Variants in KSR2 observed in about 807,000 individuals in gnomAD.
KSR2 encodes kinase suppressor of ras 2.
In KSR2, 25 loss-of-function variants were observed where a neutral mutation model predicts 107.8. That is an observed-to-expected ratio of 0.23 (90% CI 0.17 to 0.32). The LOEUF (loss-of-function observed/expected upper bound fraction) is 0.32. Ranked by LOEUF, KSR2 falls within the 10% of genes least tolerant of loss-of-function variation. The pLI, the probability that KSR2 is intolerant of heterozygous loss-of-function variation, is 1.00. For missense variants in KSR2, 887 were observed against 1,268.9 expected (o/e 0.70, Z 4.57); for synonymous variants, 480 against 507.0 (o/e 0.95, Z 0.71).
chr12:117,646,734 T>C (rs1568162), intron 5 of KSR2, among the ~76,000 whole-genome samples: 83,562 of 151,944 alleles, frequency 0.55, 25,455 homozygotes, highest in Non-Finnish European at 0.68. Context: ...GCCCCCTCCT[T>C]CTCACTCCTC....
At chr12:117,786,885 C>T (rs1890096259) in intron 3 of KSR2, among the ~76,000 whole-genome samples, 1 of 151,612 alleles carries the variant, frequency 6.6e-6, no homozygotes. Flanking sequence ...CAAAATTGGC[C>T]AGGCGTGGTG....
chr12:117,508,086 T>C (rs919651181), intron 14 of KSR2, among the ~76,000 whole-genome samples: 1 of 152,196 alleles, frequency 6.6e-6, no homozygotes, highest in African/African-American at 2.4e-5. Flanking sequence ...AAAAGACAAT[T>C]CTGATTATTT....
At chr12:117,739,272 G>A (rs1024977870) in intron 4 of KSR2, among the ~76,000 whole-genome samples, 6 of 151,456 alleles carry the variant, frequency 4.0e-5, no homozygotes, top group Non-Finnish European at 5.9e-5. Context: ...GGAGAATGGC[G>A]TGAACCTGGG....
At chr12:117,906,353 CAAAAAAAA>C (rs57733205) in intron 1 of KSR2, among the ~76,000 whole-genome samples, 1 of 58,242 alleles carries the variant, frequency 1.7e-5, no homozygotes, top group Non-Finnish European at 3.3e-5. Context: ...AACTCTGTCT[CAAAAAAAA>C]AAAAAAAAAA....
chr12:117,682,530 GC>G (rs751654171), intron 4 of KSR2, among the ~76,000 whole-genome samples: 44 of 151,852 alleles, frequency 2.9e-4, no homozygotes, highest in Non-Finnish European at 4.0e-4. Context: ...CTATTCTCCT[GC>G]CTCAGCCTCC....
intron 4 of KSR2, among the ~76,000 whole-genome samples, chr12:117,739,331 G>A (rs1470067630): frequency 6.6e-6 from 1 of 152,154 alleles, no homozygotes; most frequent in Admixed American, 6.5e-5. Flanking sequence ...CTCCAGCCTG[G>A]GCGACAGAGC....
At chr12:117,639,624 C>A (rs1883265182) in intron 5 of KSR2, among the ~76,000 whole-genome samples, 1 of 79,086 alleles carries the variant, frequency 1.3e-5, no homozygotes, top group African/African-American at 4.6e-5. Flanking sequence ...GCCACCGCAC[C>A]CAGCGTATTA....
chr12:117,848,065 C>T (rs1314274783), intron 3 of KSR2, among the ~76,000 whole-genome samples: 1 of 152,196 alleles, frequency 6.6e-6, no homozygotes, highest in East Asian at 1.9e-4. Flanking sequence ...AAAAGGAAAA[C>T]AATATCCACA....
At chr12:117,881,538 G>A (rs570089320) in intron 1 of KSR2, among the ~76,000 whole-genome samples, 1 of 152,344 alleles carries the variant, frequency 6.6e-6, no homozygotes, top group South Asian at 2.1e-4. Context: ...AATCTCAACA[G>A]CTAGAAAGTG....
chr12:117,499,741 G>A (rs1453504056), intron 14 of KSR2, among the ~76,000 whole-genome samples: 2 of 152,230 alleles, frequency 1.3e-5, no homozygotes, highest in Non-Finnish European at 2.9e-5. Flanking sequence ...GGTCCCTAAT[G>A]AGGAAGACAG....
intron 14 of KSR2, among the ~76,000 whole-genome samples, chr12:117,511,754 C>T (rs1168340184): frequency 3.3e-5 from 5 of 152,152 alleles, no homozygotes; most frequent in African/African-American, 9.7e-5. Context: ...AAGTGACCAA[C>T]TTCCCTTCCG....
In KSR2 at chr12:117,947,795, C is replaced by T. The variant is rs114657509; in HGVS notation, c.180+20281G>A. On this transcript the variant is annotated intron_variant, in intron 1 of 19. Coordinates refer to ENST00000339824, the MANE Select transcript of KSR2 (RefSeq NM_173598.6). ...ACATAGATCCAAAAAATATCAAATACTTGAGCGTAAGTCTAACAAAACATA... is the reference window on the plus strand; with the variant it reads ...ACATAGATCCAAAAAATATCAAATATTTGAGCGTAAGTCTAACAAAACATA... Among the ~76,000 whole-genome samples the T allele has an allele frequency of 7.5e-3, 1,136 of 152,084 alleles. 18 individuals are homozygous for T. Among genetic ancestry groups the T allele is most frequent in the African/African-American group, 0.025 (1,036 of 41,498 alleles).
At chr12:117,874,905 G>C (rs1281010477) in intron 1 of KSR2, among the ~76,000 whole-genome samples, 3 of 152,140 alleles carry the variant, frequency 2.0e-5, no homozygotes, top group African/African-American at 7.2e-5. Context: ...CCCACCGTCT[G>C]ACTCTGCACT....
At chr12:117,936,524 TTATTATTATTAG>T (rs1303400058) in intron 1 of KSR2, among the ~76,000 whole-genome samples, 11,091 of 93,194 alleles carry the variant, frequency 0.12, 479 homozygotes, top group South Asian at 0.18. Flanking sequence ...ATTATTATTA[TTATTATTATTAG>T]TAGTAGTAGT....
At chr12:117,886,087 C>T (rs1242788410) in intron 1 of KSR2, among the ~76,000 whole-genome samples, 2 of 148,068 alleles carry the variant, frequency 1.4e-5, no homozygotes, top group Non-Finnish European at 3.0e-5. Flanking sequence ...CAGACTGAGA[C>T]TCCGTCTCAA....
chr12:117,947,699 A>C (rs1349295158), intron 1 of KSR2, among the ~76,000 whole-genome samples: 1 of 152,202 alleles, frequency 6.6e-6, no homozygotes, highest in Non-Finnish European at 1.5e-5. Flanking sequence ...ATACAAGGTC[A>C]ACACAAAAAT....
At chr12:117,823,056 T>C (rs1451113444) in intron 3 of KSR2, among the ~76,000 whole-genome samples, 1 of 152,046 alleles carries the variant, frequency 6.6e-6, no homozygotes, top group African/African-American at 2.4e-5. Context: ...GAAAAGAATG[T>C]TCCAGACAGA....
At chr12:117,596,691 G>A (rs1880665045) in intron 5 of KSR2, among the ~76,000 whole-genome samples, 2 of 152,092 alleles carry the variant, frequency 1.3e-5, no homozygotes, top group Non-Finnish European at 2.9e-5. Context: ...TTCTAATGTG[G>A]CAATTTAAAA....
intron 1 of KSR2, among the ~76,000 whole-genome samples, chr12:117,884,159 C>T (rs1362371032): frequency 6.6e-6 from 1 of 152,132 alleles, no homozygotes; most frequent in Non-Finnish European, 1.5e-5. Context: ...TCCTCCATGT[C>T]GTCAGGACCT....
Sources: allele counts gnomAD v4.1 joint callset (sites outside exome capture counted in the v4.1 genomes callset), GRCh38; gene constraint gnomAD v4.1.1; transcripts MANE v1.5; gene names NCBI Gene and HGNC (gene_info 2026-07-23, HGNC 2026-07-21).